Variants in RFC3 observed in about 807,000 individuals in gnomAD.
RFC3 encodes the protein A1 38 kDa subunit.
A neutral mutation model predicts 45.1 loss-of-function variants in RFC3; 41 were observed. The ratio of observed to expected loss-of-function variants is 0.91; its 90% confidence interval spans 0.71 to 1.18. RFC3 has a LOEUF of 1.18. Among genes scored for constraint, RFC3 ranks in the 50% most tolerant of loss-of-function variants. The probability of loss-of-function intolerance (pLI) is 0.00; values close to 1 mark genes in which losing one functional copy is unlikely to be tolerated. For missense variants in RFC3, 423 were observed against 428.1 expected (o/e 0.99, Z 0.10); for synonymous variants, 149 against 144.0 (o/e 1.03, Z -0.25).
chr13:33,938,871 T>G (rs2082905619), intron 8 of RFC3, among the ~76,000 whole-genome samples: 1 of 152,154 alleles, frequency 6.6e-6, no homozygotes, highest in Non-Finnish European at 1.5e-5. Context: ...AAATTTACAC[T>G]CCAACTGGCA....
intron 8 of RFC3, among the ~76,000 whole-genome samples, chr13:33,874,837 G>A (rs182470230): frequency 1.1e-3 from 160 of 152,326 alleles, no homozygotes; most frequent in African/African-American, 3.6e-3. Flanking sequence ...CCTCACTTCT[G>A]TTTAGAGCCA....
rs138491756 is a variant in RFC3 at position 33,828,742 on chromosome 13, T to G, written c.392-1094T>G. ...GGTTTTGCTATGTTGCCCAGGCTAG[T>G]GTTGAATTCTTGGGCTCAAGGGATC... is the stretch of plus-strand genomic sequence containing the variant. On this transcript the variant is annotated intron_variant, in intron 4 of 8. Transcript: ENST00000380071. Among the ~76,000 whole-genome samples, 72 of 152,294 alleles carry G rather than the reference T, an allele frequency of 4.7e-4. 1 individual carries two copies. The highest frequency in any genetic ancestry group is 1.7e-3 in the African/African-American group (70 of 41,568).
intron 7 of RFC3, among the ~76,000 whole-genome samples, chr13:33,832,742 T>C (rs3135617): frequency 1.3e-3 from 200 of 152,302 alleles, no homozygotes; most frequent in African/African-American, 4.3e-3. Flanking sequence ...AAATAAAGCA[T>C]GTCTTAGGTG....
chr13:33,974,275 T>C, the RFC3 span, among the ~76,000 whole-genome samples: 1 of 152,200 alleles, frequency 6.6e-6, no homozygotes, highest in African/African-American at 2.4e-5. Context: ...TTACTTGACT[T>C]AAGGCAAACT....
intron 8 of RFC3, among the ~76,000 whole-genome samples, chr13:33,912,730 G>A (rs564062505): frequency 1.3e-5 from 2 of 152,198 alleles, no homozygotes; most frequent in East Asian, 1.9e-4. Flanking sequence ...ATTTATGCAG[G>A]GGAGAAAAAG....
chr13:33,865,923 G>A (rs1281580560), intron 8 of RFC3, among the ~76,000 whole-genome samples: 1 of 152,140 alleles, frequency 6.6e-6, no homozygotes, highest in African/African-American at 2.4e-5. Context: ...GCTGGGCGTG[G>A]TGGCTCATGC....
At chr13:33,923,160 T>G (rs1266696464) in intron 8 of RFC3, among the ~76,000 whole-genome samples, 1 of 152,086 alleles carries the variant, frequency 6.6e-6, no homozygotes, top group South Asian at 2.1e-4. Flanking sequence ...TTGATGTGTA[T>G]TCTTTGTGAC....
At chr13:33,924,454 T>C (rs1389807879) in intron 8 of RFC3, among the ~76,000 whole-genome samples, 1 of 152,006 alleles carries the variant, frequency 6.6e-6, no homozygotes, top group Non-Finnish European at 1.5e-5. Flanking sequence ...CTTACCGCTA[T>C]TATAGCTGTT....
At chr13:33,933,523 T>TA in intron 8 of RFC3, among the ~76,000 whole-genome samples, 1 of 152,272 alleles carries the variant, frequency 6.6e-6, no homozygotes, top group East Asian at 1.9e-4. Flanking sequence ...ATATAATTGT[T>TA]ACCATTTATA....
rs3135584 is a variant in RFC3 at position 33,826,758 on chromosome 13, A to G, written c.391+872A>G. Among the ~76,000 whole-genome samples the G allele has an allele frequency of 6.7e-3, 1,017 of 151,978 alleles. 9 individuals carry two copies. Among genetic ancestry groups the G allele is most frequent in the African/African-American group, 0.023 (973 of 41,470 alleles). On this transcript the variant is annotated intron_variant, in intron 4 of 8. Transcript: ENST00000380071. ...ATTTTGGTAGTTTGAGTTTTTTTAGATGTATATTAATGTAATCTGTAAATT... is the reference window on the plus strand; with the variant it reads ...ATTTTGGTAGTTTGAGTTTTTTTAGGTGTATATTAATGTAATCTGTAAATT...
intron 8 of RFC3, among the ~76,000 whole-genome samples, chr13:33,903,336 C>A (rs1289798708): frequency 1.3e-5 from 2 of 152,010 alleles, no homozygotes; most frequent in Non-Finnish European, 2.9e-5. Flanking sequence ...CAGTCACACT[C>A]CATTATAAGT....
At chr13:33,973,473 A>G in the RFC3 span, among the ~76,000 whole-genome samples, 76 of 152,278 alleles carry the variant, frequency 5.0e-4, 1 homozygote, top group African/African-American at 1.7e-3. Context: ...GGGAGATAGT[A>G]TGGCATACCT....
intron 4 of RFC3, among the ~76,000 whole-genome samples, chr13:33,828,115 T>C (rs2082067711): frequency 6.6e-6 from 1 of 151,962 alleles, no homozygotes; most frequent in Non-Finnish European, 1.5e-5. Context: ...GCTACTGCAC[T>C]CCCGCCTGGG....
At chr13:33,870,239 T>TTCC (rs2082398778) in intron 8 of RFC3, among the ~76,000 whole-genome samples, 1 of 152,232 alleles carries the variant, frequency 6.6e-6, no homozygotes, top group Non-Finnish European at 1.5e-5. Context: ...TTCAGCTCAC[T>TTCC]TCCAGTGCCA....
chr13:33,942,433 C>A (rs555929745), intron 8 of RFC3, among the ~76,000 whole-genome samples: 1 of 152,040 alleles, frequency 6.6e-6, no homozygotes, highest in Admixed American at 6.6e-5. Context: ...ATTGGGGTAT[C>A]CATTGCCTCA....
intron 8 of RFC3, among the ~76,000 whole-genome samples, chr13:33,950,825 A>G (rs930440801): frequency 9.9e-5 from 15 of 151,930 alleles, no homozygotes; most frequent in African/African-American, 3.6e-4. Context: ...CTTGTAGCCA[A>G]AATGTTTCTA....
chr13:33,959,414 G>T (rs989278093), intron 8 of RFC3, among the ~76,000 whole-genome samples: 5 of 152,060 alleles, frequency 3.3e-5, no homozygotes, highest in African/African-American at 4.8e-5. Context: ...CACAAATGAC[G>T]ATTTTGAACA....
At position 33,966,226 on chromosome 13, in the gene RFC3, C is replaced by G; in HGVS notation, c.*101C>G. ...CACTTTGCTCTGAATGTCCTGACAC[C>G]TGCTTCAGAGCTCAAGATTCAGACT... On this transcript the variant is annotated 3_prime_UTR_variant, in exon 9 of 9. Transcript: ENST00000434425. 4 of 869,948 alleles carry G rather than the reference C, an allele frequency of 4.6e-6. No individual in the cohort carries two copies. The South Asian group carries it at 5.5e-5, about 12-fold the overall frequency. The allele number at this position is 869,948 out of a possible 1,614,324, so 53.9% of individuals were successfully genotyped here.
At chr13:33,870,136 T>C (rs2082398070) in intron 8 of RFC3, among the ~76,000 whole-genome samples, 3 of 152,214 alleles carry the variant, frequency 2.0e-5, no homozygotes, top group Non-Finnish European at 2.9e-5. Context: ...AAAATCCTCA[T>C]AAAATCTGAC....
Sources: allele counts gnomAD v4.1 joint callset (sites outside exome capture counted in the v4.1 genomes callset), GRCh38; gene constraint gnomAD v4.1.1; transcripts MANE v1.5; gene names NCBI Gene and HGNC (gene_info 2026-07-23, HGNC 2026-07-21).